Variants in MYO16 observed in about 807,000 individuals in gnomAD.
The protein encoded by MYO16 is unconventional myosin-XVI.
Under a neutral mutation model 205.3 loss-of-function variants are expected in MYO16, and 94 were observed. That is an observed-to-expected ratio of 0.46 (90% CI 0.39 to 0.54). MYO16 has a LOEUF of 0.54. Ranked by LOEUF, MYO16 falls within the 20% of genes least tolerant of loss-of-function variation. The pLI is 0.00. For missense variants in MYO16, 2,315 were observed against 2,387.5 expected (o/e 0.97, Z 0.63); for synonymous variants, 988 against 954.0 (o/e 1.04, Z -0.66).
rs147878945 is a variant in MYO16 at position 108,856,782 on chromosome 13, C to T, written c.1359+1229C>T. The stretch of plus-strand genomic sequence containing the variant: ...TCTCCACCCCGGTGGTAAGCACCCT[C>T]ATCAAAGCCATTACCTTCCCTTCTC... On this transcript the variant is annotated intron_variant, in intron 11 of 34. Transcript: ENST00000457511. 3.9e-4 allele frequency among the ~76,000 whole-genome samples: 60 copies of T among 152,276 alleles called. No individual in the cohort carries two copies. In the East Asian group the frequency reaches 7.4e-3, roughly 19 times the overall value.
At chr13:108,975,470 T>C (rs549478302) in intron 20 of MYO16, among the ~76,000 whole-genome samples, 6 of 152,190 alleles carry the variant, frequency 3.9e-5, no homozygotes, top group Non-Finnish European at 7.4e-5. Context: ...TTGCAAGTAA[T>C]TGAGGTCAAC....
At chr13:108,622,216 A>G (rs1879568813) in intron 1 of MYO16, among the ~76,000 whole-genome samples, 1 of 152,328 alleles carries the variant, frequency 6.6e-6, no homozygotes, top group South Asian at 2.1e-4. Flanking sequence ...TTTCATGAAT[A>G]TAAAGATAGC....
chr13:108,928,968 C>CATAATGTAATAAAA (rs1555313946), intron 16 of MYO16, among the ~76,000 whole-genome samples: 1 of 151,980 alleles, frequency 6.6e-6, no homozygotes, highest in Non-Finnish European at 1.5e-5. Flanking sequence ...AAATTAGAAA[C>CATAATGTAATAAAA]TAAATACAGA....
In MYO16 at chr13:108,729,417, T is replaced by G. The variant is rs557431181; in HGVS notation, c.507+1834T>G. Reference sequence around the variant, plus strand: ...TCATAGTAGTTGTTTGATACATTTTTTGATAGTTCAACTAGCTGCTTTAAT... The same window carrying G: ...TCATAGTAGTTGTTTGATACATTTTGTGATAGTTCAACTAGCTGCTTTAAT... On this transcript the variant is annotated intron_variant, in intron 4 of 34. Transcript: ENST00000457511. Among the ~76,000 whole-genome samples the G allele has an allele frequency of 7.2e-5, 11 of 152,330 alleles. No individual in the cohort carries two copies. In the East Asian group the frequency reaches 2.1e-3, roughly 29 times the overall value.
the MYO16 span, among the ~76,000 whole-genome samples, chr13:108,521,133 A>G: frequency 6.6e-6 from 1 of 152,228 alleles, no homozygotes; most frequent in African/African-American, 2.4e-5. Context: ...AGCACAAGCT[A>G]TATTCTCCAA....
intron 4 of MYO16, among the ~76,000 whole-genome samples, chr13:108,767,650 T>C (rs183129425): frequency 1.3e-5 from 2 of 152,300 alleles, no homozygotes; most frequent in Admixed American, 1.3e-4. Context: ...GTTAAATACA[T>C]TGATGGTAAG....
intron 2 of MYO16, among the ~76,000 whole-genome samples, chr13:108,677,329 GTGTGTGTATA>G (rs1337385788): frequency 8.0e-6 from 1 of 125,278 alleles, no homozygotes; most frequent in African/African-American, 3.3e-5. Context: ...GTGTGTGTGT[GTGTGTGTATA>G]TATATATATA....
At chr13:108,965,768 A>G (rs528418295) in intron 20 of MYO16, among the ~76,000 whole-genome samples, 86 of 152,264 alleles carry the variant, frequency 5.6e-4, no homozygotes, top group Non-Finnish European at 1.1e-3. Flanking sequence ...ATATCTCTCC[A>G]TTACATATTA....
intron 1 of MYO16, among the ~76,000 whole-genome samples, chr13:108,637,794 G>A (rs1161248361): frequency 2.0e-5 from 3 of 152,068 alleles, no homozygotes; most frequent in African/African-American, 7.2e-5. Flanking sequence ...AGAATCGCTT[G>A]AACCCAGGAG....
chr13:108,871,778 G>T (rs999480476), intron 12 of MYO16, among the ~76,000 whole-genome samples: 1 of 152,162 alleles, frequency 6.6e-6, no homozygotes, highest in Non-Finnish European at 1.5e-5. Context: ...GCGGCACTGT[G>T]TGCTGGGAGG....
chr13:108,957,256 C>T (rs1047418523), intron 16 of MYO16, among the ~76,000 whole-genome samples: 3 of 151,796 alleles, frequency 2.0e-5, no homozygotes, highest in Non-Finnish European at 4.4e-5. Flanking sequence ...TGGTGGCACG[C>T]ACCTGTAATC....
chr13:108,846,812 G>GT (rs1877547638), intron 10 of MYO16, among the ~76,000 whole-genome samples: 3 of 151,960 alleles, frequency 2.0e-5, no homozygotes, highest in Admixed American at 6.6e-5. Flanking sequence ...TATATAAATT[G>GT]TGGGAAATCT....
rs1888932699 is a variant in MYO16 at position 109,100,668 on chromosome 13, G to A, written c.3336-117G>A. On this transcript the variant is annotated intron_variant, in intron 27 of 34. Transcript: ENST00000457511. ...ATGGACAGGTATTTGGCTGTTCCTGGGATAAAGAAAGACGGGGAAACTTTT... is the reference window on the plus strand; with the variant it reads ...ATGGACAGGTATTTGGCTGTTCCTGAGATAAAGAAAGACGGGGAAACTTTT... 6 of 718,270 alleles carry A rather than the reference G, an allele frequency of 8.4e-6. No individual in the cohort carries two copies. In the South Asian group the frequency reaches 1.1e-4, roughly 13 times the overall value. 44.5% of individuals were successfully genotyped at this position (718,270 alleles called of 1,614,324 possible).
chr13:108,555,906 T>A, the MYO16 span, among the ~76,000 whole-genome samples: 2 of 152,352 alleles, frequency 1.3e-5, no homozygotes, highest in South Asian at 4.1e-4. Flanking sequence ...AGTTCATTCA[T>A]GTCGTTGCAA....
At chr13:108,608,568 TAC>T (rs1187844522) in intron 1 of MYO16, among the ~76,000 whole-genome samples, 1 of 152,102 alleles carries the variant, frequency 6.6e-6, no homozygotes, top group African/African-American at 2.4e-5. Context: ...ACATAATAAA[TAC>T]ACACACGCAT....
At chr13:108,570,923 A>G in the MYO16 span, among the ~76,000 whole-genome samples, 1 of 152,136 alleles carries the variant, frequency 6.6e-6, no homozygotes, top group Non-Finnish European at 1.5e-5. Context: ...TCTTGGGTCT[A>G]TTAGGCACTT....
At chr13:108,748,196 T>C (rs368004807) in intron 4 of MYO16, among the ~76,000 whole-genome samples, 1 of 152,010 alleles carries the variant, frequency 6.6e-6, no homozygotes, top group African/African-American at 2.4e-5. Context: ...AAATCAGTAA[T>C]AGAAAGGTTT....
At chr13:108,997,290 C>CAGAAAGAAAGAA (rs1200455422) in intron 21 of MYO16, among the ~76,000 whole-genome samples, 3 of 82,836 alleles carry the variant, frequency 3.6e-5, no homozygotes, top group African/African-American at 1.4e-4. Context: ...CAAGACCATG[C>CAGAAAGAAAGAA]AGAAAGAAAG....
chr13:109,194,077 G>A (rs1250589163), intron 34 of MYO16, among the ~76,000 whole-genome samples: 2 of 152,016 alleles, frequency 1.3e-5, no homozygotes, highest in Non-Finnish European at 2.9e-5. Context: ...ATCCTGCCTC[G>A]TGAAATTTTT....
Sources: gnomAD v4.1 joint callset for allele counts (sites outside exome capture counted in the v4.1 genomes callset) on GRCh38, gnomAD v4.1.1 for gene constraint, MANE v1.5 for transcripts, NCBI Gene and HGNC (gene_info 2026-07-23, HGNC 2026-07-21) for gene names.